The following FER variants were observed in gnomAD, a reference collection of about 807,000 sequenced individuals.
FER encodes the protein tyrosine-protein kinase Fer.
A neutral mutation model predicts 111.0 loss-of-function variants in FER; 63 were observed. The observed-to-expected ratio is 0.57, with a 90% confidence interval of 0.46 to 0.70. FER has a LOEUF of 0.70. FER is among the 30% of genes least tolerant of loss of function. FER has a pLI of 0.00. For synonymous variants in FER, 327 were observed against 313.9 expected (o/e 1.04, Z -0.44); for missense variants, 914 against 954.0 (o/e 0.96, Z 0.55).
chr5:109,081,362 AT>A (rs1292136187), intron 16 of FER, among the ~76,000 whole-genome samples: 1 of 152,022 alleles, frequency 6.6e-6, no homozygotes, highest in African/African-American at 2.4e-5. Flanking sequence ...CTTTAATCTT[AT>A]CTTTTTCCCC....
intron 3 of FER, chr5:108,817,996 T>C (rs1258935816): frequency 6.6e-6 from 1 of 152,212 alleles, no homozygotes; most frequent in Admixed American, 6.5e-5. Flanking sequence ...ATCTCGTTTT[T>C]GGGGTAGATG....
intron 13 of FER, among the ~76,000 whole-genome samples, chr5:108,988,803 G>C (rs1326755906): frequency 1.3e-5 from 2 of 151,878 alleles, no homozygotes; most frequent in Non-Finnish European, 2.9e-5. Context: ...ATTTAGTTTG[G>C]CTCTGATCTT....
At chr5:109,107,539 A>C (rs2150080823) in intron 17 of FER, among the ~76,000 whole-genome samples, 1 of 152,090 alleles carries the variant, frequency 6.6e-6, no homozygotes. Context: ...AATATTTATA[A>C]GTTCTCATCA....
chr5:108,845,470 C>T (rs964679734), intron 5 of FER, among the ~76,000 whole-genome samples: 1 of 152,050 alleles, frequency 6.6e-6, no homozygotes, highest in Non-Finnish European at 1.5e-5. Context: ...GCATGAGCCA[C>T]CGTGCCTGGC....
chr5:108,795,641 T>C (rs570300580), intron 2 of FER, among the ~76,000 whole-genome samples: 2 of 152,292 alleles, frequency 1.3e-5, no homozygotes, highest in South Asian at 4.1e-4. Context: ...GATTCTGATA[T>C]TAAGAGACAC....
In FER at chr5:108,911,642, A is replaced by G. The variant is rs185438443; in HGVS notation, c.1236+13794A>G. ...ATCCATCTCGAGTTAATTTTTGTAT[A>G]TGGTGAGAGATAGGGGTCTAGTTTT... On this transcript the variant is annotated intron_variant, in intron 10 of 19. Coordinates refer to ENST00000281092, the MANE Select transcript of FER (RefSeq NM_005246.4). Among the ~76,000 whole-genome samples, 9 of 152,242 alleles carry G rather than the reference A, an allele frequency of 5.9e-5. No individual in the cohort carries two copies. The East Asian group carries it at 9.6e-4, about 16-fold the overall frequency.
intron 13 of FER, among the ~76,000 whole-genome samples, chr5:108,984,344 C>T (rs1393869977): frequency 1.3e-5 from 2 of 151,908 alleles, no homozygotes; most frequent in East Asian, 1.9e-4. Flanking sequence ...AATAATAGCT[C>T]AGAAGATATA....
intron 17 of FER, among the ~76,000 whole-genome samples, chr5:109,149,728 A>G (rs1056948006): frequency 5.9e-5 from 9 of 152,338 alleles, no homozygotes; most frequent in African/African-American, 2.2e-4. Context: ...TAAGATAAAT[A>G]GGAAAACAAC....
At chr5:108,838,826 A>T (rs1038151454) in intron 5 of FER, among the ~76,000 whole-genome samples, 1 of 152,162 alleles carries the variant, frequency 6.6e-6, no homozygotes, top group African/African-American at 2.4e-5. Flanking sequence ...TACACCTTAA[A>T]CATTAAATGT....
Position 109,035,261 on chromosome 5 carries a change from A to G in FER, c.1657-2161A>G, listed in dbSNP as rs1187946664. The stretch of plus-strand genomic sequence containing the variant: ...TTGGCCAGGAGTTGAACATTTTTAT[A>G]ACCCCCCGCAAAGTTGCTTCTTTCC... On this transcript the variant is annotated intron_variant, in intron 13 of 19. Transcript: ENST00000281092. 5.3e-5 allele frequency among the ~76,000 whole-genome samples: 8 copies of G among 151,774 alleles called. 1 individual carries two copies. Among genetic ancestry groups the G allele is most frequent in the Non-Finnish European group, 4.4e-5 (3 of 67,902 alleles).
rs1485509953 is a variant in FER, at chr5:109,012,796, AG to A, written c.1657-24625del. Among the ~76,000 whole-genome samples the A allele has an allele frequency of 3.9e-5, 6 of 152,232 alleles. No individual in the cohort carries two copies. In the East Asian group the frequency reaches 1.2e-3, roughly 29 times the overall value. On this transcript the variant is annotated intron_variant, in intron 13 of 19. Coordinates refer to ENST00000281092, the MANE Select transcript of FER (RefSeq NM_005246.4). ...TTTGGCTTTTGCCAAAATGGAAAAG[AG>A]AAAAAAAAATCAATGACTATAAATA...
At chr5:109,057,221 G>A (rs897383213) in intron 16 of FER, among the ~76,000 whole-genome samples, 6 of 151,998 alleles carry the variant, frequency 3.9e-5, no homozygotes, top group African/African-American at 1.4e-4. Context: ...TCTAGCTTAA[G>A]AAATTAGAAT....
intron 10 of FER, among the ~76,000 whole-genome samples, chr5:108,918,508 A>G (rs530273517): frequency 1.4e-5 from 2 of 138,662 alleles, no homozygotes; most frequent in Non-Finnish European, 3.1e-5. Context: ...TTTTTTTGAG[A>G]TGGAGTCTCG....
At chr5:108,984,558 C>T (rs1373257813) in intron 13 of FER, among the ~76,000 whole-genome samples, 3 of 147,902 alleles carry the variant, frequency 2.0e-5, no homozygotes, top group South Asian at 2.1e-4. Context: ...GTAAATGCCA[C>T]GATAGTTTTT....
intron 3 of FER, among the ~76,000 whole-genome samples, chr5:108,823,407 A>C (rs1476140125): frequency 6.6e-6 from 1 of 152,208 alleles, no homozygotes; most frequent in African/African-American, 2.4e-5. Flanking sequence ...TCAACAGTGT[A>C]TAGTGCTCCT....
chr5:108,930,282 G>T (rs909107646), intron 10 of FER, among the ~76,000 whole-genome samples: 3 of 126,298 alleles, frequency 2.4e-5, no homozygotes, highest in African/African-American at 9.0e-5. Context: ...AAAGTAAAAG[G>T]ATTACAGGCA....
chr5:108,785,243 G>A lies in FER; in HGVS notation c.-59-12881G>A, dbSNP rs915573643. Reference sequence around the variant, plus strand: ...CCTCTGTGCATCTGGAGGCAAGGATGGCCAGGCCATGCTGTGGGATCTCAA... The same window carrying A: ...CCTCTGTGCATCTGGAGGCAAGGATAGCCAGGCCATGCTGTGGGATCTCAA... On this transcript the variant is annotated intron_variant, in intron 2 of 19. Coordinates refer to ENST00000281092, the MANE Select transcript of FER (RefSeq NM_005246.4). 2.6e-5 allele frequency: 15 copies of A among 582,608 alleles called. No homozygotes were observed. The African/African-American group carries it at 2.7e-4, about 10-fold the overall frequency. The allele number at this position is 582,608 out of a possible 1,614,324, so 36.1% of individuals were successfully genotyped here.
chr5:109,040,542 G>T (rs1771020667), intron 14 of FER, among the ~76,000 whole-genome samples: 1 of 152,150 alleles, frequency 6.6e-6, no homozygotes, highest in Admixed American at 6.6e-5. Context: ...GATCACTGAT[G>T]ACTTGGCTGA....
chr5:108,915,368 A>T (rs1032391285), intron 10 of FER, among the ~76,000 whole-genome samples: 2 of 152,140 alleles, frequency 1.3e-5, no homozygotes, highest in African/African-American at 4.8e-5. Flanking sequence ...GCTACTCGAG[A>T]GGCTGAGGCA....
Sources: allele counts gnomAD v4.1 joint callset (sites outside exome capture counted in the v4.1 genomes callset), GRCh38; gene constraint gnomAD v4.1.1; transcripts MANE v1.5; gene names NCBI Gene and HGNC (gene_info 2026-07-23, HGNC 2026-07-21).